Variants in LRFN5 observed in about 807,000 individuals in gnomAD.
LRFN5 encodes the protein leucine rich repeat and fibronectin type III domain containing 5.
A neutral mutation model predicts 45.6 loss-of-function variants in LRFN5; 24 were observed. That is an observed-to-expected ratio of 0.53 (90% CI 0.38 to 0.74). LRFN5 has a LOEUF of 0.74. Ranked by LOEUF, LRFN5 falls within the 30% of genes least tolerant of loss-of-function variation. The pLI is 0.00. For missense variants in LRFN5, 776 were observed against 861.5 expected, an observed-to-expected ratio of 0.90 and a Z score of 1.24; for synonymous variants, 340 against 313.8, an observed-to-expected ratio of 1.08 and a Z score of -0.88.
chr14:41,876,840 C>T (rs554284694), intron 2 of LRFN5, among the ~76,000 whole-genome samples: 144 of 152,210 alleles, frequency 9.5e-4, no homozygotes, highest in Non-Finnish European at 1.3e-3. Flanking sequence ...GCTAAATAAA[C>T]CTCTATCAAT....
intron 1 of LRFN5, among the ~76,000 whole-genome samples, chr14:41,650,172 T>C (rs186810328): frequency 4.8e-4 from 72 of 150,798 alleles, no homozygotes; most frequent in African/African-American, 1.7e-3. Flanking sequence ...AGGTGATAGA[T>C]TACTTGAGGT....
intron 2 of LRFN5, among the ~76,000 whole-genome samples, chr14:41,827,454 T>A (rs1477313851): frequency 6.6e-6 from 1 of 152,040 alleles, no homozygotes; most frequent in African/African-American, 2.4e-5. Context: ...GAAAAATATA[T>A]ATTTGGTAAG....
chr14:41,708,108 A>G (rs1883139983), intron 1 of LRFN5, among the ~76,000 whole-genome samples: 1 of 152,046 alleles, frequency 6.6e-6, no homozygotes, highest in African/African-American at 2.4e-5. Flanking sequence ...TGTACAGTAA[A>G]GTATTTCATA....
chr14:41,639,876 T>C (rs909343556), intron 1 of LRFN5, among the ~76,000 whole-genome samples: 6 of 150,956 alleles, frequency 4.0e-5, no homozygotes, highest in African/African-American at 1.5e-4. Context: ...TTGACCTCCC[T>C]GGCTCAAGTG....
chr14:41,625,499 A>G (rs1888296914), intron 1 of LRFN5, among the ~76,000 whole-genome samples: 1 of 152,140 alleles, frequency 6.6e-6, no homozygotes, highest in South Asian at 2.1e-4. Flanking sequence ...TAAATTACCA[A>G]GCCTCAGCTA....
At chr14:41,640,951 A>G (rs943612962) in intron 1 of LRFN5, among the ~76,000 whole-genome samples, 1 of 152,126 alleles carries the variant, frequency 6.6e-6, no homozygotes, top group Non-Finnish European at 1.5e-5. Flanking sequence ...CATTACCTTA[A>G]CAACTATATG....
intron 1 of LRFN5, among the ~76,000 whole-genome samples, chr14:41,689,291 TAGAC>T (rs999230247): frequency 6.6e-6 from 1 of 151,984 alleles, no homozygotes; most frequent in African/African-American, 2.4e-5. Context: ...AGAAAAACGA[TAGAC>T]AAACACAACA....
At chr14:41,816,465 T>G (rs1432667947) in intron 2 of LRFN5, among the ~76,000 whole-genome samples, 2 of 152,134 alleles carry the variant, frequency 1.3e-5, no homozygotes, top group African/African-American at 4.8e-5. Context: ...ATGGAAAGTC[T>G]ACTGGCAACA....
chr14:41,735,341 C>T (rs1286809695), intron 1 of LRFN5, among the ~76,000 whole-genome samples: 1 of 152,104 alleles, frequency 6.6e-6, no homozygotes, highest in East Asian at 1.9e-4. Context: ...AATCATGGCT[C>T]ACTGAAGCCT....
chr14:41,796,842 G>C lies in LRFN5; in HGVS notation c.-21+29813G>C, dbSNP rs1029440341. On this transcript the variant is annotated intron_variant, in intron 2 of 5. Coordinates refer to ENST00000298119, the MANE Select transcript of LRFN5 (RefSeq NM_152447.5). The stretch of plus-strand genomic sequence containing the variant: ...CTAAATATTTTTTCAACTAGCTGTC[G>C]AAGATAATAATTCTTTAGTATTTTT... Among the ~76,000 whole-genome samples the C allele has an allele frequency of 3.3e-5, 5 of 151,798 alleles. No homozygotes were observed. The East Asian group carries it at 9.7e-4, about 29-fold the overall frequency.
chr14:41,792,013 C>T (rs998224238), intron 2 of LRFN5, among the ~76,000 whole-genome samples: 3 of 151,998 alleles, frequency 2.0e-5, no homozygotes, highest in Non-Finnish European at 2.9e-5. Flanking sequence ...AATATTTCAA[C>T]GATGTTCTTT....
intron 2 of LRFN5, among the ~76,000 whole-genome samples, chr14:41,852,089 C>T (rs887067853): frequency 6.6e-6 from 1 of 151,704 alleles, no homozygotes; most frequent in Non-Finnish European, 1.5e-5. Flanking sequence ...AACTATACTC[C>T]CTTAAATTGC....
At chr14:41,846,464 C>T (rs1185613905) in intron 2 of LRFN5, among the ~76,000 whole-genome samples, 1 of 152,054 alleles carries the variant, frequency 6.6e-6, no homozygotes, top group Non-Finnish European at 1.5e-5. Flanking sequence ...ACCTCACAAA[C>T]TATTGAGGGA....
intron 2 of LRFN5, among the ~76,000 whole-genome samples, chr14:41,858,805 A>G (rs1021583689): frequency 6.6e-6 from 1 of 152,142 alleles, no homozygotes; most frequent in Non-Finnish European, 1.5e-5. Context: ...ACTTCAGTGT[A>G]TATTCCTCAG....
At chr14:41,833,888 T>A (rs1241786755) in intron 2 of LRFN5, among the ~76,000 whole-genome samples, 1 of 152,158 alleles carries the variant, frequency 6.6e-6, no homozygotes, top group East Asian at 1.9e-4. Context: ...CTTAACAGGG[T>A]GAAGTTCAGT....
intron 1 of LRFN5, among the ~76,000 whole-genome samples, chr14:41,727,682 C>T (rs1393855012): frequency 1.3e-5 from 2 of 151,860 alleles, no homozygotes; most frequent in Non-Finnish European, 2.9e-5. Context: ...CATCAAGCAG[C>T]ATGTATAATA....
At chr14:41,682,728 T>C (rs1381044202) in intron 1 of LRFN5, among the ~76,000 whole-genome samples, 1 of 152,180 alleles carries the variant, frequency 6.6e-6, no homozygotes, top group Non-Finnish European at 1.5e-5. Context: ...ACATACAGTC[T>C]ACCAAGGTTC....
At chr14:41,892,058 C>A (rs748968575) in intron 4 of LRFN5, 96 bp downstream of exon 4, 2 of 1,507,614 alleles carry the variant, frequency 1.3e-6, no homozygotes, top group Non-Finnish European at 1.8e-6. Context: ...TATTAACTCG[C>A]CGAACACATG....
At chr14:41,836,185 T>C (rs1942308422) in intron 2 of LRFN5, among the ~76,000 whole-genome samples, 1 of 152,182 alleles carries the variant, frequency 6.6e-6, no homozygotes, top group African/African-American at 2.4e-5. Context: ...AGCTTTTGCA[T>C]CCTATTTAAA....
Sources: allele counts gnomAD v4.1 joint callset (sites outside exome capture counted in the v4.1 genomes callset), GRCh38; gene constraint gnomAD v4.1.1; transcripts MANE v1.5; gene names NCBI Gene and HGNC (gene_info 2026-07-23, HGNC 2026-07-21).